Variants in MDGA1 observed in about 807,000 individuals in gnomAD.
The protein encoded by MDGA1 is MAM domain containing glycosylphosphatidylinositol anchor 1.
Under a neutral mutation model 101.5 loss-of-function variants are expected in MDGA1, and 54 were observed. The ratio of observed to expected loss-of-function variants is 0.53; its 90% CI spans 0.43 to 0.67. The LOEUF is 0.67. MDGA1 is among the 30% of genes least tolerant of loss of function. The probability of loss-of-function intolerance (pLI) is 0.00; values close to 1 mark genes in which losing one functional copy is unlikely to be tolerated. For missense variants in MDGA1, 1,083 were observed against 1,323.8 expected (o/e 0.82, Z 2.82); for synonymous variants, 533 against 558.3 (o/e 0.95, Z 0.64).
chr6:37,679,831 C>A (rs922339149), intron 1 of MDGA1, among the ~76,000 whole-genome samples: 7 of 152,164 alleles, frequency 4.6e-5, no homozygotes, highest in Non-Finnish European at 1.0e-4. Flanking sequence ...CATGGGGTAA[C>A]TGAGGCACAG....
chr6:37,673,370 C>T (rs887775529), intron 1 of MDGA1, among the ~76,000 whole-genome samples: 3 of 152,244 alleles, frequency 2.0e-5, no homozygotes, highest in African/African-American at 7.2e-5. Context: ...GCATGTAATG[C>T]AAATGAACAC....
rs553387372 is a variant in MDGA1, at chr6:37,663,883, A to T, written c.207+84T>A. The T allele has an allele frequency of 3.1e-5, 47 of 1,503,598 alleles. No homozygotes were observed. The South Asian group carries it at 5.3e-4, about 17-fold the overall frequency. 93.1% of individuals were successfully genotyped at this position (1,503,598 alleles called of 1,614,324 possible). A position where few individuals can be genotyped will look rare whatever the true frequency, so the allele number is the denominator to read the frequency against. On this transcript the variant is annotated intron_variant, in intron 2 of 16. Transcript: ENST00000434837. ...ATGCTGCGGTGCATCGTGAGTCCTC[A>T]TCTCCTGCTGCCTCTTCTTAAGTGC...
chr6:37,662,283 AAAGAG>A (rs924803584), intron 2 of MDGA1, among the ~76,000 whole-genome samples: 107 of 152,188 alleles, frequency 7.0e-4, no homozygotes, highest in African/African-American at 2.5e-3. Flanking sequence ...GTAATGAAGA[AAAGAG>A]AAGAGAAGAC....
chr6:37,637,281 C>T lies in MDGA1; in HGVS notation c.*87G>A. 1 of 1,145,544 alleles carries T rather than the reference C, an allele frequency of 8.7e-7. No individual in the cohort carries two copies. The allele number at this position is 1,145,544 out of a possible 1,614,324, so 71.0% of individuals were successfully genotyped here. On this transcript the variant is annotated 3_prime_UTR_variant, in exon 17 of 17. Coordinates refer to ENST00000434837, the MANE Select transcript of MDGA1 (RefSeq NM_153487.4). ...GCGGGCCGGCCCTGCCCCTGGGCAC[C>T]CCAGCTGGCGGGGGTCAGTCTTTGG...
At chr6:37,682,465 C>T (rs555247932) in intron 1 of MDGA1, among the ~76,000 whole-genome samples, 2 of 152,286 alleles carry the variant, frequency 1.3e-5, no homozygotes, top group East Asian at 3.9e-4. Context: ...GCCTGGGTGA[C>T]AGAGAGAGAC....
At chr6:37,687,522 T>C (rs1336150451) in intron 1 of MDGA1, among the ~76,000 whole-genome samples, 1 of 152,030 alleles carries the variant, frequency 6.6e-6, no homozygotes, top group Non-Finnish European at 1.5e-5. Flanking sequence ...TGAGCTATGA[T>C]CACACCACTG....
intron 3 of MDGA1, 88 bp downstream of exon 3, chr6:37,658,157 C>A (rs1008496965): frequency 1.3e-5 from 18 of 1,397,438 alleles, no homozygotes; most frequent in Non-Finnish European, 1.5e-5. Flanking sequence ...CACCCCATGC[C>A]CACTTCCCCA....
At chr6:37,686,356 CT>C (rs34675820) in intron 1 of MDGA1, among the ~76,000 whole-genome samples, 11 of 146,866 alleles carry the variant, frequency 7.5e-5, no homozygotes, top group Admixed American at 1.3e-4. Flanking sequence ...CACGTAGGGA[CT>C]TTTTTTTTTA....
rs1763878259 is a variant in MDGA1 at position 37,634,128 on chromosome 6, G to C, written c.*3240C>G. 6.5e-6 allele frequency: 1 copy of C among 152,762 alleles called. No homozygotes were observed. Among genetic ancestry groups the C allele is most frequent in the East Asian group, 1.9e-4 (1 of 5,198 alleles). 9.5% of individuals were successfully genotyped at this position (152,762 alleles called of 1,614,324 possible). On this transcript the variant is annotated 3_prime_UTR_variant, in exon 17 of 17. Coordinates refer to ENST00000434837, the MANE Select transcript of MDGA1 (RefSeq NM_153487.4). The surrounding 1 kb of genome is among the most constrained non-coding windows in gnomAD (Gnocchi z 4.7). The stretch of plus-strand genomic sequence containing the variant: ...CCTAGGAGCCTGTCTGTGCTCCCAA[G>C]GGCAGGATAGCCCAGCTGAGACTTC...
Position 37,655,883 on chromosome 6 carries a change from T to C in MDGA1, c.396A>G (p.Pro132=), listed in dbSNP as rs762815446. The change falls in exon 4 of 17, where the codon CCA becomes CCG. Residue 132 remains proline, a synonymous_variant. Transcript: ENST00000434837. The surrounding 1 kb of genome is among the most constrained non-coding windows in gnomAD (Gnocchi z 5.1). ...IRVDVQYLDE[P]MLTVHQTVSD... ...TCACCGTCTGGTGCACCGTCAGCAT[T>C]GGCTCATCCAGGTCTGCAAGGGCAC... 1.2e-6 allele frequency: 2 copies of C among 1,612,592 alleles called. No homozygotes were observed. Among genetic ancestry groups the C allele is most frequent in the Admixed American group, 3.3e-5 (2 of 59,938 alleles).
chr6:37,696,886 C>CG lies in MDGA1; in HGVS notation c.-76dup. 1 of 1,241,074 alleles carries CG rather than the reference C, an allele frequency of 8.1e-7. No individual in the cohort carries two copies. The highest frequency in any genetic ancestry group is 1.2e-6 in the Non-Finnish European group (1 of 866,224). The allele number at this position is 1,241,074 out of a possible 1,614,324, so 76.9% of individuals were successfully genotyped here. ...GCGGGGGGCGCATTCGCCGGGGCCC[C>CG]GCGACGCCCCTATGTCCCCCCCTTT... On this transcript the variant is annotated 5_prime_UTR_variant, in exon 1 of 17. Transcript: ENST00000434837. The surrounding 1 kb of genome is among the most constrained non-coding windows in gnomAD (Gnocchi z 5.6).
In MDGA1 at chr6:37,654,307, G is replaced by A; in HGVS notation, c.949C>T (p.Pro317Ser). The change falls in exon 6 of 17, where the codon CCT (proline) becomes TCT (serine). Residue 317 changes from proline (P) to serine (S), a missense_variant. By Grantham distance (74) the Pro-to-Ser change is moderately conservative. Around this residue, in one of 3 missense-constraint regions of MDGA1, gnomAD observed 116 missense variants for 196.6 expected, o/e 0.59. Coordinates refer to ENST00000434837, the MANE Select transcript of MDGA1 (RefSeq NM_153487.4). ...NCTATNNVGNPAKKTVNLLVR... is the reference protein window; with the variant it reads ...NCTATNNVGNSAKKTVNLLVR... ...AGCAGGTTGACAGTCTTCTTGGCAG[G>A]GTTGCCCACATTGTTGGTGGCTGTG... The A allele has an allele frequency of 6.3e-7, 1 of 1,578,816 alleles. No homozygotes were observed. The highest frequency in any genetic ancestry group is 8.6e-7 in the Non-Finnish European group (1 of 1,161,538).
intron 1 of MDGA1, among the ~76,000 whole-genome samples, chr6:37,668,660 A>G (rs1325076355): frequency 6.6e-6 from 1 of 152,242 alleles, no homozygotes; most frequent in Non-Finnish European, 1.5e-5. Flanking sequence ...ACACAAACAT[A>G]CAGTGAACTG....
chr6:37,676,464 G>A (rs1761981089), intron 1 of MDGA1, among the ~76,000 whole-genome samples: 1 of 152,250 alleles, frequency 6.6e-6, no homozygotes, highest in Admixed American at 6.5e-5. Flanking sequence ...GCACAGGCCT[G>A]AATGTAGGGG....
chr6:37,667,666 T>C (rs1761782945), intron 1 of MDGA1, among the ~76,000 whole-genome samples: 1 of 152,066 alleles, frequency 6.6e-6, no homozygotes, highest in African/African-American at 2.4e-5. Flanking sequence ...AGGCCTGGGG[T>C]GCCTCTCAAC....
At chr6:37,660,326 T>C (rs1354779560) in intron 2 of MDGA1, among the ~76,000 whole-genome samples, 1 of 152,084 alleles carries the variant, frequency 6.6e-6, no homozygotes, top group Non-Finnish European at 1.5e-5. Context: ...CTTCATCTCT[T>C]TAAATATTGC....
In MDGA1 at chr6:37,692,384, C is replaced by T. The variant is rs778789093; in HGVS notation, c.67+4361G>A. On this transcript the variant is annotated intron_variant, in intron 1 of 16. Transcript: ENST00000434837. ...TCTGTCTTCACCGGGTGGGTCATCT[C>T]CTAGCCCACCTTTCATGAGCCCAGC... Among the ~76,000 whole-genome samples, 21 of 152,122 alleles carry T rather than the reference C, an allele frequency of 1.4e-4. No individual in the cohort carries two copies. In the South Asian group the frequency reaches 1.5e-3, roughly 11 times the overall value.
chr6:37,691,077 C>T (rs1190083311), intron 1 of MDGA1, among the ~76,000 whole-genome samples: 1 of 152,162 alleles, frequency 6.6e-6, no homozygotes, highest in Non-Finnish European at 1.5e-5. Context: ...CTCCCCCTAC[C>T]TTACATGTGA....
At chr6:37,683,935 A>G (rs561405313) in intron 1 of MDGA1, among the ~76,000 whole-genome samples, 1 of 152,340 alleles carries the variant, frequency 6.6e-6, no homozygotes, top group South Asian at 2.1e-4. Flanking sequence ...GTCCACTACG[A>G]AATTTCTCAC....
Sources: allele counts gnomAD v4.1 joint callset (sites outside exome capture counted in the v4.1 genomes callset), GRCh38; gene constraint gnomAD v4.1.1; regional missense constraint gnomAD v4.1.1; non-coding constraint Gnocchi (gnomAD v3.1); transcripts MANE v1.5; gene names NCBI Gene and HGNC (gene_info 2026-07-23, HGNC 2026-07-21).